Variants in KAT6A observed in about 807,000 individuals in gnomAD.
The protein encoded by KAT6A is lysine acetyltransferase 6A.
KAT6A carries 9 observed loss-of-function variants against 198.4 expected under a neutral mutation model. The observed-to-expected ratio is 0.05, with a 90% confidence interval of 0.03 to 0.08. KAT6A has a LOEUF of 0.08. KAT6A is among the 10% of genes least tolerant of loss of function. KAT6A has a pLI of 1.00. For missense variants in KAT6A, 2,077 were observed against 2,509.9 expected (o/e 0.83, Z 3.69); for synonymous variants, 890 against 883.0 (o/e 1.01, Z -0.14).
At chr8:41,991,876 C>G (rs1433526494) in intron 2 of KAT6A, among the ~76,000 whole-genome samples, 1 of 151,336 alleles carries the variant, frequency 6.6e-6, no homozygotes. Context: ...TCAGGAGCAC[C>G]TGAGAAAAAA....
Position 41,934,474 on chromosome 8 carries a change from A to G in KAT6A, c.3746T>C (p.Val1249Ala). The G allele has an allele frequency of 1.2e-6, 2 of 1,608,172 alleles. No homozygotes were observed. The highest frequency in any genetic ancestry group is 1.7e-6 in the Non-Finnish European group (2 of 1,177,158). The change falls in exon 17 of 17, where the codon GTC (valine) becomes GCC (alanine). Residue 1249 changes from valine to alanine, a missense_variant. Transcript: ENST00000265713. The stretch of plus-strand genomic sequence containing the variant: ...GCTGTCTGCTGGAGAGGCTGCTGGG[A>G]CTTCACTGCTGGCTGCATCCTCTTC... ...GEEEDAASSE[V>A]PAASPADSSN...
At position 41,932,967 on chromosome 8, in the gene KAT6A, G is replaced by A; in HGVS notation, c.5253C>T (p.Phe1751=). 3 of 1,614,192 alleles carry A rather than the reference G, an allele frequency of 1.9e-6. No homozygotes were observed. Among genetic ancestry groups the A allele is most frequent in the African/African-American group, 1.3e-5 (1 of 75,054 alleles). The change falls in exon 17 of 17, where the codon TTC becomes TTT. Residue 1751 remains phenylalanine (F), a synonymous_variant. Coordinates refer to ENST00000265713, the MANE Select transcript of KAT6A (RefSeq NM_006766.5). The part of the protein sequence containing the change: ...AGSYSQPSAT[F]SLAKLQQLTN... ...TCAGCTGCTGCAGCTTGGCTAGGCT[G>A]AAGGTGGCTGATGGTTGAGAGTAGC...
At chr8:41,973,976 A>G (rs1247049802) in intron 8 of KAT6A, among the ~76,000 whole-genome samples, 2 of 152,096 alleles carry the variant, frequency 1.3e-5, no homozygotes, top group African/African-American at 2.4e-5. Context: ...AATCTCTCCT[A>G]TAGTTCAGGG....
intron 2 of KAT6A, among the ~76,000 whole-genome samples, chr8:42,046,517 C>T (rs933073392): frequency 1.3e-5 from 2 of 152,136 alleles, no homozygotes; most frequent in African/African-American, 2.4e-5. Context: ...GGTGACAGAA[C>T]GAGATTCTGT....
chr8:41,941,225 G>C lies in KAT6A; in HGVS notation c.2656C>G (p.Leu886Val), dbSNP rs770564178. 1 of 1,614,116 alleles carries C rather than the reference G, an allele frequency of 6.2e-7. No homozygotes were observed. The highest frequency in any genetic ancestry group is 1.3e-5 in the African/African-American group (1 of 75,024). The stretch of plus-strand genomic sequence containing the variant: ...GCTGAAGACGTCTCTTCCAAGAGCA[G>C]TTTAGAATCTTTATCACCAAAACGT... The part of the protein sequence containing the change: ...QERFGDKDSK[L>V]LLEETSSAPQ... Residue 886 changes from leucine to valine, a missense_variant, in exon 15 of 17, where the codon CTG becomes GTG. Physicochemically the swap from Leu to Val is conservative, Grantham distance 32. This residue lies in a region of KAT6A where 301 missense variants were observed against 272.2 expected (regional missense o/e 1.11). Transcript: ENST00000265713.
At chr8:42,000,337 G>T (rs1023885990) in intron 2 of KAT6A, among the ~76,000 whole-genome samples, 3 of 152,110 alleles carry the variant, frequency 2.0e-5, no homozygotes, top group Non-Finnish European at 4.4e-5. Flanking sequence ...CATCATCTGA[G>T]GTCAGGACTT....
In KAT6A at chr8:41,940,875, T is replaced by C. The variant is rs1202632165; in HGVS notation, c.3006A>G (p.Pro1002=). 1.2e-6 allele frequency: 2 copies of C among 1,613,288 alleles called. No individual in the cohort carries two copies. The highest frequency in any genetic ancestry group is 4.5e-5 in the East Asian group (2 of 44,886). Residue 1002 remains proline, a synonymous_variant, in exon 15 of 17, where the codon CCA becomes CCG. Coordinates refer to ENST00000265713, the MANE Select transcript of KAT6A (RefSeq NM_006766.5). The stretch of plus-strand genomic sequence containing the variant: ...TCAGCGTGGGCTTTGTGAGAATTGG[T>C]GGCGAGCTTGACCGAGGGCTTTCCG... ...EEPESPRSSS[P]PILTKPTLKR...
At chr8:41,946,246 T>C (rs1158414436) in intron 12 of KAT6A, among the ~76,000 whole-genome samples, 1 of 151,958 alleles carries the variant, frequency 6.6e-6, no homozygotes, top group Non-Finnish European at 1.5e-5. Flanking sequence ...GAACCCTAGG[T>C]ACATGCCATC....
At chr8:42,009,148 ATAAC>A (rs1373486734) in intron 2 of KAT6A, among the ~76,000 whole-genome samples, 1 of 152,178 alleles carries the variant, frequency 6.6e-6, no homozygotes, top group Non-Finnish European at 1.5e-5. Flanking sequence ...TTGCATATAA[ATAAC>A]TAGCTACATC....
Position 42,035,771 on chromosome 8 carries a change from T to C in KAT6A, c.600+12607A>G, listed in dbSNP as rs964248317. On this transcript the variant is annotated intron_variant, in intron 2 of 16. Transcript: ENST00000265713. ...GATTGCAGCAGACGTGGAATGAATA[T>C]AGACTTTTTTCAAGAAGTTTAAAAA... Among the ~76,000 whole-genome samples the C allele has an allele frequency of 3.3e-5, 5 of 152,196 alleles. 1 individual carries two copies. The highest frequency in any genetic ancestry group is 2.0e-4 in the Admixed American group (3 of 15,286).
intron 2 of KAT6A, among the ~76,000 whole-genome samples, chr8:42,044,905 A>G (rs1210688114): frequency 6.6e-6 from 1 of 152,184 alleles, no homozygotes; most frequent in Non-Finnish European, 1.5e-5. Context: ...TTTTGAGAAC[A>G]TCTAGGTTCG....
chr8:41,960,395 C>T (rs1823146703), intron 8 of KAT6A, among the ~76,000 whole-genome samples: 1 of 151,550 alleles, frequency 6.6e-6, no homozygotes, highest in African/African-American at 2.4e-5. Flanking sequence ...AGGTGAAACC[C>T]CGTCTCTACT....
At chr8:42,036,227 T>C (rs1292593027) in intron 2 of KAT6A, among the ~76,000 whole-genome samples, 3 of 151,776 alleles carry the variant, frequency 2.0e-5, no homozygotes. Flanking sequence ...TACACAGACA[T>C]ACATCTTCAA....
At chr8:41,974,642 A>T (rs1204670150) in intron 8 of KAT6A, 62 bp downstream of exon 8, 14 of 964,880 alleles carry the variant, frequency 1.5e-5, no homozygotes, top group Non-Finnish European at 2.3e-5. Flanking sequence ...AATGTAATTA[A>T]TCTGCTGTTT....
At chr8:42,020,465 C>G (rs1056827941) in intron 2 of KAT6A, among the ~76,000 whole-genome samples, 2 of 152,150 alleles carry the variant, frequency 1.3e-5, no homozygotes, top group Non-Finnish European at 2.9e-5. Context: ...CCTGGACTTT[C>G]CCATCACCAG....
At chr8:42,015,286 A>G (rs1826219726) in intron 2 of KAT6A, among the ~76,000 whole-genome samples, 1 of 152,230 alleles carries the variant, frequency 6.6e-6, no homozygotes, top group African/African-American at 2.4e-5. Flanking sequence ...GATCCCTTCA[A>G]CATGGATGAG....
intron 2 of KAT6A, among the ~76,000 whole-genome samples, chr8:42,032,871 CTTTTTTTTTTTTTTT>C (rs1163323345): frequency 3.9e-5 from 3 of 76,518 alleles, no homozygotes; most frequent in African/African-American, 1.7e-4. Context: ...AAAACCTTGG[CTTTTTTTTTTTTTTT>C]TTTTTTTTTT....
chr8:42,004,372 A>G (rs900355776), intron 2 of KAT6A, among the ~76,000 whole-genome samples: 4 of 152,220 alleles, frequency 2.6e-5, no homozygotes, highest in Admixed American at 6.5e-5. Context: ...AAGTAACTAC[A>G]TAAAGCTTTA....
At chr8:41,980,057 C>T (rs1253112085) in intron 5 of KAT6A, among the ~76,000 whole-genome samples, 1 of 152,100 alleles carries the variant, frequency 6.6e-6, no homozygotes, top group Admixed American at 6.6e-5. Flanking sequence ...AAGTCATTTT[C>T]TATCAACAGG....
Sources: allele counts gnomAD v4.1 joint callset (sites outside exome capture counted in the v4.1 genomes callset), GRCh38; gene constraint gnomAD v4.1.1; regional missense constraint gnomAD v4.1.1; transcripts MANE v1.5; gene names NCBI Gene and HGNC (gene_info 2026-07-23, HGNC 2026-07-21).